RAB3C: variants seen among roughly 807,000 people sequenced by gnomAD.
The protein encoded by RAB3C is RAB3C, member RAS oncogene family, also known as ras-related protein Rab-3C.
RAB3C carries 17 observed loss-of-function variants against 26.4 expected under a neutral mutation model. That is an observed-to-expected ratio of 0.64 (90% CI 0.44 to 0.97). The LOEUF is 0.97. RAB3C is among the 50% of genes least tolerant of loss of function. The probability of loss-of-function intolerance (pLI) is 0.00; values close to 1 mark genes in which losing one functional copy is unlikely to be tolerated. For synonymous variants in RAB3C, 91 were observed against 95.9 expected (o/e 0.95, Z 0.30); for missense variants, 242 against 281.9 (o/e 0.86, Z 1.01).
chr5:58,684,216 A>T (rs1303029060), intron 2 of RAB3C, among the ~76,000 whole-genome samples: 1 of 152,252 alleles, frequency 6.6e-6, no homozygotes, highest in African/African-American at 2.4e-5. Context: ...TCTAGAGATA[A>T]TTTAAAGTAT....
At chr5:58,808,406 A>G (rs1464822242) in intron 3 of RAB3C, among the ~76,000 whole-genome samples, 1 of 152,138 alleles carries the variant, frequency 6.6e-6, no homozygotes, top group Non-Finnish European at 1.5e-5. Context: ...CAGAGATAAA[A>G]TTAAAGACAA....
intron 3 of RAB3C, chr5:58,822,824 G>T: frequency 1.6e-6 from 1 of 622,920 alleles, no homozygotes. Flanking sequence ...CCTGCCACTG[G>T]CCCACGGGCT....
chr5:58,608,591 G>A (rs1746623731), intron 1 of RAB3C, among the ~76,000 whole-genome samples: 2 of 152,194 alleles, frequency 1.3e-5, no homozygotes, highest in South Asian at 4.1e-4. Context: ...CTGTTGATGG[G>A]AGTGTAAATT....
intron 3 of RAB3C, among the ~76,000 whole-genome samples, chr5:58,819,584 C>A (rs58912613): frequency 0.039 from 5,873 of 152,230 alleles, 375 homozygotes; most frequent in African/African-American, 0.13. Flanking sequence ...TTCTTACTTA[C>A]CCATCTACGG....
intron 3 of RAB3C, among the ~76,000 whole-genome samples, chr5:58,741,007 T>C (rs1355952816): frequency 2.0e-5 from 3 of 152,154 alleles, no homozygotes; most frequent in Non-Finnish European, 4.4e-5. Context: ...GGGTTTTCTG[T>C]GACCCCTTTT....
chr5:58,587,265 C>A lies in RAB3C; in HGVS notation c.24+4033C>A, dbSNP rs144870761. On this transcript the variant is annotated intron_variant, in intron 1 of 4. Coordinates refer to ENST00000282878, the MANE Select transcript of RAB3C (RefSeq NM_138453.4). ...AATTGGCAAGTCCTTTCTTCACCAT[C>A]ATATTCCAGGAAGGAAATATATGTT... Among the ~76,000 whole-genome samples, 975 of 152,284 alleles carry A rather than the reference C, an allele frequency of 6.4e-3. 9 individuals are homozygous for A. Among genetic ancestry groups the A allele is most frequent in the African/African-American group, 0.022 (901 of 41,572 alleles).
At chr5:58,606,983 C>A (rs1411582980) in intron 1 of RAB3C, among the ~76,000 whole-genome samples, 2 of 152,144 alleles carry the variant, frequency 1.3e-5, no homozygotes, top group African/African-American at 4.8e-5. Flanking sequence ...GCTGAAAATT[C>A]CAAAAACCAG....
In RAB3C at chr5:58,617,631, T is replaced by C. The variant is rs1181098312; in HGVS notation, c.25-12T>C. 6.2e-7 allele frequency: 1 copy of C among 1,605,962 alleles called. No homozygotes were observed. The highest frequency in any genetic ancestry group is 8.5e-7 in the Non-Finnish European group (1 of 1,172,916). ...CCTATTTTGTTTTTGTTTTGTTTTG[T>C]TTTTATCACAGATGGCCTCTGCCCA... On this transcript the variant is annotated splice_polypyrimidine_tract_variant and intron_variant, in intron 1 of 4. Coordinates refer to ENST00000282878, the MANE Select transcript of RAB3C (RefSeq NM_138453.4).
intron 3 of RAB3C, among the ~76,000 whole-genome samples, chr5:58,800,471 C>T (rs1469780398): frequency 6.6e-6 from 1 of 152,188 alleles, no homozygotes; most frequent in African/African-American, 2.4e-5. Flanking sequence ...TTCCCTCCCA[C>T]TAGGAAATGC....
intron 2 of RAB3C, among the ~76,000 whole-genome samples, chr5:58,678,672 A>G (rs903830332): frequency 1.2e-4 from 18 of 152,230 alleles, no homozygotes; most frequent in Admixed American, 3.3e-4. Context: ...TGCCTAAGAC[A>G]TTTATTTTAA....
intron 2 of RAB3C, among the ~76,000 whole-genome samples, chr5:58,702,931 C>T (rs559239384): frequency 5.3e-5 from 8 of 152,068 alleles, no homozygotes; most frequent in Non-Finnish European, 1.2e-4. Flanking sequence ...ATGGACTTGA[C>T]GTTAACCTGG....
At chr5:58,640,632 A>G (rs181060808) in intron 2 of RAB3C, among the ~76,000 whole-genome samples, 1 of 152,332 alleles carries the variant, frequency 6.6e-6, no homozygotes, top group Admixed American at 6.5e-5. Flanking sequence ...CAGGTGGTAT[A>G]TAAGATGCCA....
intron 3 of RAB3C, chr5:58,742,088 C>CAGAT (rs934000300): frequency 6.6e-6 from 1 of 152,058 alleles, no homozygotes; most frequent in Non-Finnish European, 1.5e-5. Flanking sequence ...GAAAATTCTC[C>CAGAT]AGATACCCCG....
chr5:58,843,746 G>A (rs1366758862), intron 4 of RAB3C, among the ~76,000 whole-genome samples: 2 of 152,066 alleles, frequency 1.3e-5, no homozygotes, highest in South Asian at 2.1e-4. Context: ...AAACCAAAAC[G>A]ATATTTTGTG....
At chr5:58,797,596 G>C (rs1742703108) in intron 3 of RAB3C, among the ~76,000 whole-genome samples, 1 of 151,894 alleles carries the variant, frequency 6.6e-6, no homozygotes. Context: ...GATTGGTGGA[G>C]ATGTCTGGAC....
Position 58,693,361 on chromosome 5 carries a change from T to A in RAB3C, c.253-32641T>A, listed in dbSNP as rs1042797668. Among the ~76,000 whole-genome samples, 49 of 144,278 alleles carry A rather than the reference T, an allele frequency of 3.4e-4. 1 individual carries two copies. Among genetic ancestry groups the A allele is most frequent in the Middle Eastern group, 3.6e-3 (1 of 276 alleles). 94.7% of individuals were successfully genotyped at this position (144,278 alleles called of 152,430 possible). ...GTATATATATATATATATATATATA[T>A]AAAATTTCTTAAAACCTTGCAATTC... On this transcript the variant is annotated intron_variant, in intron 2 of 4. Transcript: ENST00000282878.
intron 2 of RAB3C, chr5:58,689,180 A>G (rs1262021389): frequency 1.3e-5 from 2 of 152,168 alleles, no homozygotes; most frequent in Non-Finnish European, 2.9e-5. Flanking sequence ...GAGTCAGAAA[A>G]TCTGACTCCA....
At chr5:58,791,601 A>C (rs1742523419) in intron 3 of RAB3C, among the ~76,000 whole-genome samples, 1 of 151,962 alleles carries the variant, frequency 6.6e-6, no homozygotes, top group South Asian at 2.1e-4. Flanking sequence ...GTCCTCCAGG[A>C]CCTCCTCCAT....
intron 2 of RAB3C, among the ~76,000 whole-genome samples, chr5:58,694,074 G>A (rs974690429): frequency 1.3e-4 from 19 of 151,952 alleles, no homozygotes; most frequent in East Asian, 5.8e-4. Context: ...TAATGCTATC[G>A]CTCCCCCAGC....
Sources: gnomAD v4.1 joint callset for allele counts (sites outside exome capture counted in the v4.1 genomes callset) on GRCh38, gnomAD v4.1.1 for gene constraint, MANE v1.5 for transcripts, NCBI Gene and HGNC (gene_info 2026-07-23, HGNC 2026-07-21) for gene names.